RNF38: variants seen among roughly 807,000 people sequenced by gnomAD.
The protein encoded by RNF38 is E3 ubiquitin-protein ligase RNF38.
In RNF38, 15 loss-of-function variants were observed where a neutral mutation model predicts 67.2. The ratio of observed to expected loss-of-function variants is 0.22; its 90% CI spans 0.15 to 0.34. RNF38 has a LOEUF of 0.34. RNF38 is among the 10% of genes least tolerant of loss of function. RNF38 has a pLI of 1.00. For synonymous variants in RNF38, 220 were observed against 218.8 expected, an observed-to-expected ratio of 1.01 and a Z score of -0.05; for missense variants, 524 against 639.9, an observed-to-expected ratio of 0.82 and a Z score of 1.95.
At chr9:36,476,031 G>T in intron 1 of RNF38, among the ~76,000 whole-genome samples, 1 of 147,318 alleles carries the variant, frequency 6.8e-6, no homozygotes, top group East Asian at 2.0e-4. Flanking sequence ...AAAAAAGAAA[G>T]AAATATAAAT....
In RNF38 at chr9:36,408,717, G is replaced by C. The variant is rs796768868; in HGVS notation, n.312+15896C>G. 5.9e-5 allele frequency among the ~76,000 whole-genome samples: 9 copies of C among 152,224 alleles called. No homozygotes were observed. In the South Asian group the frequency reaches 1.9e-3, roughly 32 times the overall value. On this transcript the variant is annotated intron_variant and non_coding_transcript_variant, in intron 2 of 3. Transcript: ENST00000488058. ...CTGGAAGGACAAGCAGTTTACCCAG[G>C]AAGTCCCAGAAATACCTGGAGAGGA...
chr9:36,477,686 G>C (rs1840152205), intron 1 of RNF38, among the ~76,000 whole-genome samples: 1 of 151,802 alleles, frequency 6.6e-6, no homozygotes, highest in Non-Finnish European at 1.5e-5. Flanking sequence ...AGCCGGGCGT[G>C]GTGGGGGGCG....
chr9:36,460,903 A>AAAAAG (rs1839716596), intron 1 of RNF38, among the ~76,000 whole-genome samples: 2 of 145,346 alleles, frequency 1.4e-5, no homozygotes, highest in Non-Finnish European at 3.0e-5. Context: ...AAAAAAAAAA[A>AAAAAG]AAAGAAAGAA....
Position 36,485,304 on chromosome 9 carries a change from G to GTATATATATATATATATA in RNF38, n.241+2003_241+2004insTATATATATATATATATA, listed in dbSNP as rs1156313770. On this transcript the variant is annotated intron_variant and non_coding_transcript_variant, in intron 1 of 3. Transcript: ENST00000488058. ...AACAAGTGTACAAGGATCTCTTAGG[G>GTATATATATATATATATA]TATATATACACACACACACCCAGAA... Among the ~76,000 whole-genome samples, 21 of 150,388 alleles carry GTATATATATATATATATA rather than the reference G, an allele frequency of 1.4e-4. 1 individual carries two copies. Among genetic ancestry groups the GTATATATATATATATATA allele is most frequent in the African/African-American group, 5.0e-4 (20 of 39,818 alleles).
At chr9:36,366,549 TA>T (rs1834980081) in intron 4 of RNF38, among the ~76,000 whole-genome samples, 1 of 152,238 alleles carries the variant, frequency 6.6e-6, no homozygotes, top group Admixed American at 6.5e-5. Context: ...AACAATTACC[TA>T]AGATGCTTCG....
At chr9:36,451,523 G>A (rs181830561) in intron 1 of RNF38, among the ~76,000 whole-genome samples, 1,128 of 82,754 alleles carry the variant, frequency 0.014, 18 homozygotes, top group African/African-American at 0.054. Flanking sequence ...TTTTTGAGAC[G>A]GAGTTTCGCT....
At chr9:36,379,327 GA>G in intron 2 of RNF38, among the ~76,000 whole-genome samples, 1 of 152,272 alleles carries the variant, frequency 6.6e-6, no homozygotes, top group Middle Eastern at 3.4e-3. Flanking sequence ...GTACTCTAAG[GA>G]ACTTCAAAGA....
At chr9:36,448,863 G>A (rs553048640) in intron 1 of RNF38, among the ~76,000 whole-genome samples, 7 of 151,982 alleles carry the variant, frequency 4.6e-5, no homozygotes, top group African/African-American at 1.7e-4. Context: ...AAAATTAGCT[G>A]GGCGCCTGCA....
intron 1 of RNF38, among the ~76,000 whole-genome samples, chr9:36,436,125 C>T (rs949744792): frequency 2.6e-5 from 4 of 152,184 alleles, no homozygotes; most frequent in African/African-American, 9.7e-5. Flanking sequence ...TGTATATTCA[C>T]AGTTGTGTAA....
chr9:36,437,221 C>T (rs1839091486), intron 1 of RNF38, among the ~76,000 whole-genome samples: 1 of 152,342 alleles, frequency 6.6e-6, no homozygotes, highest in African/African-American at 2.4e-5. Flanking sequence ...CCCTCCCCAA[C>T]CAACATCAGA....
At chr9:36,467,677 T>C (rs1266293453) in intron 1 of RNF38, among the ~76,000 whole-genome samples, 1 of 152,132 alleles carries the variant, frequency 6.6e-6, no homozygotes, top group Non-Finnish European at 1.5e-5. Flanking sequence ...TAATGTACAC[T>C]TCCATGCATC....
At chr9:36,380,747 GC>G (rs1168406910) in intron 2 of RNF38, among the ~76,000 whole-genome samples, 2 of 152,180 alleles carry the variant, frequency 1.3e-5, no homozygotes, top group Non-Finnish European at 2.9e-5. Flanking sequence ...TTCCACCTCG[GC>G]CTCCCACAGT....
chr9:36,481,921 T>G (rs915580343), intron 1 of RNF38, among the ~76,000 whole-genome samples: 2 of 152,172 alleles, frequency 1.3e-5, no homozygotes, highest in Non-Finnish European at 2.9e-5. Context: ...GGAATGCTAG[T>G]GCAGGGGGAA....
At chr9:36,472,558 A>C (rs965206468) in intron 1 of RNF38, among the ~76,000 whole-genome samples, 3 of 152,176 alleles carry the variant, frequency 2.0e-5, no homozygotes, top group African/African-American at 7.2e-5. Context: ...CTTATTCCAA[A>C]AGTTCATATA....
chr9:36,400,348 G>A (rs749407521), upstream of RNF38: 2 of 1,232,088 alleles, frequency 1.6e-6, no homozygotes, highest in South Asian at 5.7e-5. Flanking sequence ...AAAAAGGGAG[G>A]GAGCGAGAGA....
intron 1 of RNF38, among the ~76,000 whole-genome samples, chr9:36,424,851 C>CA (rs1838727870): frequency 1.3e-5 from 2 of 152,194 alleles, no homozygotes; most frequent in African/African-American, 4.8e-5. Context: ...AAACAAAACA[C>CA]AGAGAGGCTG....
At chr9:36,434,718 A>G (rs1194819290) in intron 1 of RNF38, among the ~76,000 whole-genome samples, 1 of 152,180 alleles carries the variant, frequency 6.6e-6, no homozygotes, top group Non-Finnish European at 1.5e-5. Flanking sequence ...AGATATTCCA[A>G]TCCTAAAAGT....
intron 2 of RNF38, among the ~76,000 whole-genome samples, chr9:36,420,531 C>CAAAAAAAAAAAAAAAAAAAAA (rs1447823341): frequency 6.9e-5 from 2 of 28,968 alleles, no homozygotes; most frequent in Non-Finnish European, 1.1e-4. Flanking sequence ...GACTCTGTCT[C>CAAAAAAAAAAAAAAAAAAAAA]CAAAAAAAAA....
At chr9:36,340,469 G>T (rs1022057977) in intron 11 of RNF38, among the ~76,000 whole-genome samples, 12 of 152,138 alleles carry the variant, frequency 7.9e-5, no homozygotes, top group African/African-American at 2.2e-4. Flanking sequence ...CTACAGACTT[G>T]AACTCCTGGG....
Sources: allele counts gnomAD v4.1 joint callset (sites outside exome capture counted in the v4.1 genomes callset), GRCh38; gene constraint gnomAD v4.1.1; transcripts MANE v1.5; gene names NCBI Gene and HGNC (gene_info 2026-07-23, HGNC 2026-07-21).